CDHR3: variants seen among roughly 807,000 people sequenced by gnomAD.
CDHR3 encodes cadherin-related family member 3.
CDHR3 carries 79 observed loss-of-function variants against 86.6 expected under a neutral mutation model. The ratio of observed to expected loss-of-function variants is 0.91; its 90% CI spans 0.76 to 1.10. The LOEUF (loss-of-function observed/expected upper bound fraction) is 1.10, where lower values mean the gene tolerates loss of function less well. Ranked by LOEUF, CDHR3 falls within the 50% of genes least tolerant of loss-of-function variation. The pLI, the probability that CDHR3 is intolerant of heterozygous loss-of-function variation, is 0.00. For synonymous variants in CDHR3, 421 were observed against 402.4 expected (o/e 1.05, Z -0.55); for missense variants, 1,081 against 1,077.6 (o/e 1.00, Z -0.04).
chr7:105,985,086 C>G (rs929306568), intron 4 of CDHR3, among the ~76,000 whole-genome samples: 2 of 151,838 alleles, frequency 1.3e-5, no homozygotes, highest in Non-Finnish European at 2.9e-5. Flanking sequence ...ATTAAGGAGT[C>G]CCCAGAATTC....
chr7:105,992,590 A>C (rs1305575781), intron 4 of CDHR3, among the ~76,000 whole-genome samples: 1 of 152,248 alleles, frequency 6.6e-6, no homozygotes, highest in Non-Finnish European at 1.5e-5. Flanking sequence ...AGCAGAAAAC[A>C]CCTAAATGAT....
At chr7:105,967,096 C>G (rs1315358742) in intron 1 of CDHR3, among the ~76,000 whole-genome samples, 2 of 151,974 alleles carry the variant, frequency 1.3e-5, no homozygotes, top group Non-Finnish European at 2.9e-5. Context: ...TAATGCTATC[C>G]CTCCTCCTTC....
At chr7:105,977,351 G>T (rs913145049) in intron 2 of CDHR3, among the ~76,000 whole-genome samples, 4 of 152,160 alleles carry the variant, frequency 2.6e-5, no homozygotes, top group Non-Finnish European at 4.4e-5. Context: ...CAAGGGACCT[G>T]CTCTTCCCAC....
chr7:105,970,408 G>T (rs1272458651), intron 1 of CDHR3, among the ~76,000 whole-genome samples: 1 of 152,212 alleles, frequency 6.6e-6, no homozygotes, highest in Admixed American at 6.5e-5. Flanking sequence ...GGGCGCCATG[G>T]CTGACAATAA....
At chr7:106,020,171 T>C (rs1836346296) in intron 12 of CDHR3, among the ~76,000 whole-genome samples, 1 of 152,222 alleles carries the variant, frequency 6.6e-6, no homozygotes, top group Non-Finnish European at 1.5e-5. Flanking sequence ...TGCCATTCAC[T>C]AGCTGAATGA....
chr7:106,028,417 A>C, intron 16 of CDHR3, 134 bp from the exon 17 acceptor site: 1 of 968,822 alleles, frequency 1.0e-6, no homozygotes, highest in Admixed American at 2.0e-5. Context: ...ATATCTATAG[A>C]CAGAACAATT....
intron 3 of CDHR3, 100 bp downstream of exon 3, chr7:105,981,233 T>G: frequency 2.5e-4 from 278 of 1,108,776 alleles, no homozygotes; most frequent in Non-Finnish European, 3.3e-4. Flanking sequence ...CAAGCAGCTG[T>G]TTCCCTGGAA....
chr7:105,971,550 A>T (rs912947487), intron 1 of CDHR3, among the ~76,000 whole-genome samples: 4 of 152,326 alleles, frequency 2.6e-5, no homozygotes, highest in East Asian at 1.9e-4. Flanking sequence ...TAGGATTGGA[A>T]TGCTGGATCT....
At chr7:106,015,251 T>C in intron 10 of CDHR3, 38 bp downstream of exon 10, 3 of 1,533,296 alleles carry the variant, frequency 2.0e-6, no homozygotes, top group South Asian at 1.2e-5. Context: ...ATTGTCTTTC[T>C]TGAGTATCAA....
At chr7:106,010,002 G>A (rs566939589) in intron 8 of CDHR3, among the ~76,000 whole-genome samples, 2 of 152,288 alleles carry the variant, frequency 1.3e-5, no homozygotes, top group South Asian at 4.1e-4. Flanking sequence ...AGGCGTTTAG[G>A]GGAAGAATAC....
chr7:106,021,671 G>A (rs539998903), intron 13 of CDHR3, among the ~76,000 whole-genome samples: 187 of 152,308 alleles, frequency 1.2e-3, no homozygotes, highest in African/African-American at 4.0e-3. Context: ...TGCAATTCCC[G>A]CAAAGCCAGG....
chr7:106,018,426 G>A (rs1835999071), intron 12 of CDHR3, among the ~76,000 whole-genome samples: 3 of 151,972 alleles, frequency 2.0e-5, no homozygotes, highest in Non-Finnish European at 2.9e-5. Flanking sequence ...TAGTAGAGAC[G>A]GGTTTCTCCA....
chr7:106,001,509 T>C lies in CDHR3; in HGVS notation c.761T>C (p.Ile254Thr). The change falls in exon 7 of 19, where the codon ATC (isoleucine) becomes ACC (threonine). Residue 254 changes from isoleucine to threonine, a missense_variant. Ile to Thr is a moderately conservative substitution (Grantham distance 89, BLOSUM62 -1). Transcript: ENST00000317716. ...CTGGAGGAACTGAGTCCAGGAACCA[T>C]CGTGGCCAATATCACAGCGGAGGAT... ...TVLEELSPGT[I>T]VANITAEDPD... is the part of the protein sequence containing the mutation. 1 of 1,614,000 alleles carries C rather than the reference T, an allele frequency of 6.2e-7. No homozygotes were observed. Among genetic ancestry groups the C allele is most frequent in the East Asian group, 2.2e-5 (1 of 44,882 alleles).
At chr7:106,017,555 T>TCACA (rs1393143920) in intron 11 of CDHR3, among the ~76,000 whole-genome samples, 1 of 99,110 alleles carries the variant, frequency 1.0e-5, no homozygotes, top group Non-Finnish European at 2.0e-5. Flanking sequence ...TGAGACTCCG[T>TCACA]CACACACAGA....
chr7:105,965,580 G>A (rs892170837), intron 1 of CDHR3, among the ~76,000 whole-genome samples: 1 of 44,594 alleles, frequency 2.2e-5, no homozygotes, highest in African/African-American at 5.3e-5. Flanking sequence ...CCCCCCCATG[G>A]AGTCTTCCTG....
intron 4 of CDHR3, among the ~76,000 whole-genome samples, chr7:105,991,011 G>T (rs1444355194): frequency 6.6e-6 from 1 of 152,208 alleles, no homozygotes; most frequent in African/African-American, 2.4e-5. Flanking sequence ...AGAAACCTGG[G>T]GTGGTGGTAA....
intron 13 of CDHR3, among the ~76,000 whole-genome samples, chr7:106,021,223 G>C (rs1244179156): frequency 6.6e-6 from 1 of 152,110 alleles, no homozygotes; most frequent in Non-Finnish European, 1.5e-5. Context: ...CTAATGAAGT[G>C]CTGGGGCCAG....
At chr7:105,988,967 G>A (rs938845543) in intron 4 of CDHR3, among the ~76,000 whole-genome samples, 2 of 152,034 alleles carry the variant, frequency 1.3e-5, no homozygotes, top group South Asian at 4.2e-4. Flanking sequence ...GATCATCTCC[G>A]TGCAGACCAG....
At chr7:105,986,123 C>T (rs562788338) in intron 4 of CDHR3, among the ~76,000 whole-genome samples, 1 of 152,234 alleles carries the variant, frequency 6.6e-6, no homozygotes, top group African/African-American at 2.4e-5. Flanking sequence ...AGCAGGCAGG[C>T]CCAATCTGTC....
Sources: gnomAD v4.1 joint callset for allele counts (sites outside exome capture counted in the v4.1 genomes callset) on GRCh38, gnomAD v4.1.1 for gene constraint, MANE v1.5 for transcripts, NCBI Gene and HGNC (gene_info 2026-07-23, HGNC 2026-07-21) for gene names.